Variants in KCNT2 observed in about 807,000 individuals in gnomAD.
KCNT2 encodes potassium channel subfamily T member 2.
A neutral mutation model predicts 153.8 loss-of-function variants in KCNT2; 67 were observed. That is an observed-to-expected ratio of 0.44 (90% CI 0.36 to 0.53). The LOEUF is 0.53. Ranked by LOEUF, KCNT2 falls within the 20% of genes least tolerant of loss-of-function variation. KCNT2 has a pLI of 0.00. For synonymous variants in KCNT2, 500 were observed against 458.8 expected (o/e 1.09, Z -1.15); for missense variants, 975 against 1,354.8 (o/e 0.72, Z 4.40).
At chr1:196,401,432 C>A (rs945190369) in intron 12 of KCNT2, among the ~76,000 whole-genome samples, 3 of 151,596 alleles carry the variant, frequency 2.0e-5, no homozygotes, top group Non-Finnish European at 4.4e-5. Flanking sequence ...CTTAAAGCTG[C>A]TACTAGAACT....
chr1:196,383,268 C>A (rs752136285), intron 13 of KCNT2, among the ~76,000 whole-genome samples: 1 of 152,080 alleles, frequency 6.6e-6, no homozygotes, highest in Non-Finnish European at 1.5e-5. Flanking sequence ...CAGCTCATGC[C>A]ATATGTGATT....
At chr1:196,315,343 A>G (rs1488986021) in intron 21 of KCNT2, among the ~76,000 whole-genome samples, 1 of 151,604 alleles carries the variant, frequency 6.6e-6, no homozygotes, top group Non-Finnish European at 1.5e-5. Context: ...AGGATTGTTT[A>G]CTCTTACCCA....
chr1:196,419,254 C>T (rs990205616), intron 12 of KCNT2, among the ~76,000 whole-genome samples: 164 of 149,258 alleles, frequency 1.1e-3, no homozygotes, highest in African/African-American at 4.0e-3. Context: ...TATACATGTG[C>T]CATGCTGGTG....
chr1:196,281,690 G>A (rs1196887399), intron 24 of KCNT2, among the ~76,000 whole-genome samples: 6 of 151,790 alleles, frequency 4.0e-5, no homozygotes, highest in South Asian at 2.1e-4. Context: ...CATGATCACC[G>A]TTTTTGTGGA....
intron 1 of KCNT2, among the ~76,000 whole-genome samples, chr1:196,544,515 T>C (rs1295556522): frequency 2.6e-5 from 4 of 152,026 alleles, no homozygotes; most frequent in African/African-American, 7.2e-5. Context: ...TAATAATATA[T>C]ACTTCAACTT....
At chr1:196,567,799 G>C (rs1169344538) in intron 1 of KCNT2, among the ~76,000 whole-genome samples, 1 of 152,204 alleles carries the variant, frequency 6.6e-6, no homozygotes, top group Non-Finnish European at 1.5e-5. Context: ...GAAAACAGCA[G>C]CAGAATTGCT....
chr1:196,379,340 G>A (rs1185103501), intron 13 of KCNT2, among the ~76,000 whole-genome samples: 1 of 152,100 alleles, frequency 6.6e-6, no homozygotes, highest in Non-Finnish European at 1.5e-5. Flanking sequence ...GGAGCTGGAG[G>A]CGGGCACATC....
intron 1 of KCNT2, among the ~76,000 whole-genome samples, chr1:196,564,868 A>T (rs990898406): frequency 6.6e-6 from 1 of 151,842 alleles, no homozygotes; most frequent in African/African-American, 2.4e-5. Flanking sequence ...AAACTGTAAA[A>T]GTAATAGATG....
chr1:196,467,810 C>T lies in KCNT2; in HGVS notation c.460-24G>A, dbSNP rs369365431. On this transcript the variant is annotated intron_variant, in intron 6 of 27. Coordinates refer to ENST00000294725, the MANE Select transcript of KCNT2 (RefSeq NM_198503.5). ...ATCTGGAAAACAAAACAAAACAAAA[C>T]TAGACTTTTATCTCAAAGCAATAAA... is the stretch of plus-strand genomic sequence containing the variant. 1.1e-4 allele frequency: 160 copies of T among 1,485,062 alleles called. No individual in the cohort carries two copies. The African/African-American group carries it at 1.7e-3, about 16-fold the overall frequency. 92.0% of individuals were successfully genotyped at this position (1,485,062 alleles called of 1,614,324 possible).
chr1:196,347,829 T>C (rs1039780345), intron 14 of KCNT2, among the ~76,000 whole-genome samples: 3 of 152,170 alleles, frequency 2.0e-5, no homozygotes, highest in Admixed American at 2.0e-4. Context: ...CTACCTCCTA[T>C]GGCGTATCCA....
rs188797248 is a variant in KCNT2, at chr1:196,264,983, C to T, written c.2911-6489G>A. On this transcript the variant is annotated intron_variant, in intron 25 of 27. Transcript: ENST00000294725. ...GCCAAGCCAGTTTCTTTTCCTTGCT[C>T]TTTCCAGCCCAAGCCATTTTTTGAC... 4.6e-5 allele frequency among the ~76,000 whole-genome samples: 7 copies of T among 152,302 alleles called. No homozygotes were observed. The East Asian group carries it at 1.4e-3, about 29-fold the overall frequency.
intron 1 of KCNT2, among the ~76,000 whole-genome samples, chr1:196,584,933 C>T (rs1425290215): frequency 6.6e-6 from 1 of 151,880 alleles, no homozygotes; most frequent in African/African-American, 2.4e-5. Context: ...AGATGAACTC[C>T]GAATGGAGAG....
chr1:196,510,890 A>G (rs989525877), intron 1 of KCNT2, among the ~76,000 whole-genome samples: 3 of 152,314 alleles, frequency 2.0e-5, no homozygotes, highest in East Asian at 3.9e-4. Flanking sequence ...TTAGATGCCT[A>G]TTAATTTCAT....
At chr1:196,362,616 G>A (rs898343685) in intron 14 of KCNT2, among the ~76,000 whole-genome samples, 2 of 152,004 alleles carry the variant, frequency 1.3e-5, no homozygotes, top group Admixed American at 1.3e-4. Flanking sequence ...TTTCATAAAG[G>A]TTTTGCTGAG....
intron 19 of KCNT2, among the ~76,000 whole-genome samples, chr1:196,320,428 T>C (rs1349520448): frequency 1.3e-5 from 2 of 151,898 alleles, no homozygotes; most frequent in East Asian, 1.9e-4. Context: ...AATTCTATTA[T>C]ATATTTTAAT....
At chr1:196,599,813 T>C (rs1290116647) in intron 1 of KCNT2, among the ~76,000 whole-genome samples, 1 of 152,172 alleles carries the variant, frequency 6.6e-6, no homozygotes, top group African/African-American at 2.4e-5. Context: ...CTCACTGTCC[T>C]TAGTCTCCCT....
At chr1:196,451,869 C>T (rs891687425) in intron 8 of KCNT2, among the ~76,000 whole-genome samples, 6 of 151,826 alleles carry the variant, frequency 4.0e-5, no homozygotes, top group African/African-American at 1.4e-4. Context: ...CCTTTCTGTA[C>T]CATACATTAT....
In KCNT2 at chr1:196,349,705, TA is replaced by T. The variant is rs1477562531; in HGVS notation, c.1404-7478del. Among the ~76,000 whole-genome samples the T allele has an allele frequency of 1.1e-4, 16 of 151,786 alleles. No individual in the cohort carries two copies. In the South Asian group the frequency reaches 1.5e-3, roughly 14 times the overall value. On this transcript the variant is annotated intron_variant, in intron 14 of 27. Transcript: ENST00000294725. The stretch of plus-strand genomic sequence containing the variant: ...ATTTTTTTATTATTTTTTATTCTTT[TA>T]TTTTTTTATTATTATTATACTTTAA...
intron 25 of KCNT2, among the ~76,000 whole-genome samples, chr1:196,265,752 T>C: frequency 6.6e-6 from 1 of 152,178 alleles, no homozygotes; most frequent in South Asian, 2.1e-4. Flanking sequence ...ACTGTTGCTG[T>C]CTATGCCTCC....
Sources: allele counts gnomAD v4.1 joint callset (sites outside exome capture counted in the v4.1 genomes callset), GRCh38; gene constraint gnomAD v4.1.1; transcripts MANE v1.5; gene names NCBI Gene and HGNC (gene_info 2026-07-23, HGNC 2026-07-21).